Variants in SCEL observed in about 807,000 individuals in gnomAD.
SCEL encodes sciellin.
Under a neutral mutation model 117.6 loss-of-function variants are expected in SCEL, and 113 were observed. The observed-to-expected ratio is 0.96, with a 90% CI of 0.83 to 1.12. The LOEUF is 1.12. Among genes scored for constraint, SCEL ranks in the 50% most tolerant of loss-of-function variants. The pLI is 0.00. For synonymous variants in SCEL, 270 were observed against 256.2 expected (o/e 1.05, Z -0.51); for missense variants, 785 against 810.8 (o/e 0.97, Z 0.39).
intron 4 of SCEL, among the ~76,000 whole-genome samples, chr13:77,560,445 A>G (rs1346058021): frequency 6.6e-6 from 1 of 152,092 alleles, no homozygotes; most frequent in East Asian, 1.9e-4. Context: ...TCTCAAACAA[A>G]CAAACAACAA....
intron 1 of SCEL, among the ~76,000 whole-genome samples, chr13:77,554,880 A>G (rs1361518918): frequency 1.3e-5 from 2 of 152,136 alleles, no homozygotes; most frequent in Admixed American, 6.6e-5. Context: ...ACCTAGGGTG[A>G]CCAGCCATCC....
At chr13:77,639,758 T>G (rs1439223771) in intron 30 of SCEL, among the ~76,000 whole-genome samples, 1 of 152,178 alleles carries the variant, frequency 6.6e-6, no homozygotes, top group African/African-American at 2.4e-5. Context: ...GCACTTCATA[T>G]ATCATATAAA....
chr13:77,547,670 T>C (rs1371812221), intron 1 of SCEL, among the ~76,000 whole-genome samples: 2 of 152,204 alleles, frequency 1.3e-5, no homozygotes, highest in Non-Finnish European at 2.9e-5. Flanking sequence ...AGGTATCTCT[T>C]CATCATTTTA....
intron 11 of SCEL, among the ~76,000 whole-genome samples, chr13:77,591,984 T>C (rs1450407710): frequency 1.3e-5 from 2 of 152,210 alleles, no homozygotes; most frequent in Non-Finnish European, 2.9e-5. Context: ...ACATCCTATT[T>C]AGTCTAGCAT....
At chr13:77,567,540 T>C in intron 5 of SCEL, 140 bp from the exon 6 acceptor site, 1 of 619,290 alleles carries the variant, frequency 1.6e-6, no homozygotes, top group Non-Finnish European at 2.8e-6. Flanking sequence ...TTAAAAATTT[T>C]CTAAAATGTA....
At chr13:77,556,563 A>G in intron 2 of SCEL, 33 bp from the exon 3 acceptor site, 1 of 1,567,272 alleles carries the variant, frequency 6.4e-7, no homozygotes, top group Non-Finnish European at 8.8e-7. Context: ...CCACACTATT[A>G]CATCTTCCAG....
intron 3 of SCEL, among the ~76,000 whole-genome samples, 163 bp downstream of exon 3, chr13:77,556,876 T>A (rs2084690596): frequency 6.6e-6 from 1 of 152,180 alleles, no homozygotes; most frequent in Non-Finnish European, 1.5e-5. Context: ...AGGTTACATA[T>A]CAGAGTTTCA....
At chr13:77,624,263 G>A (rs566739953) in intron 27 of SCEL, among the ~76,000 whole-genome samples, 1 of 151,854 alleles carries the variant, frequency 6.6e-6, no homozygotes, top group African/African-American at 2.4e-5. Context: ...CTGCCACCAC[G>A]CTCAGCTAAT....
chr13:77,585,887 C>CAA (rs2086537706), intron 9 of SCEL, among the ~76,000 whole-genome samples: 2 of 152,150 alleles, frequency 1.3e-5, no homozygotes, highest in Admixed American at 6.5e-5. Flanking sequence ...TTCCAGAGGA[C>CAA]CCTGCTTCCA....
chr13:77,565,032 A>T (rs972300669), intron 5 of SCEL, among the ~76,000 whole-genome samples: 1 of 152,210 alleles, frequency 6.6e-6, no homozygotes, highest in Non-Finnish European at 1.5e-5. Flanking sequence ...TGGTTAATTG[A>T]AGAAGGAAAC....
intron 1 of SCEL, among the ~76,000 whole-genome samples, chr13:77,544,276 T>C (rs1483426975): frequency 6.6e-6 from 1 of 152,216 alleles, no homozygotes; most frequent in Non-Finnish European, 1.5e-5. Context: ...TTTTCTGCCT[T>C]ATTTCTCCTT....
At chr13:77,579,885 C>G (rs776172649) in intron 9 of SCEL, among the ~76,000 whole-genome samples, 2 of 152,030 alleles carry the variant, frequency 1.3e-5, no homozygotes, top group Non-Finnish European at 2.9e-5. Flanking sequence ...CCAGAGAGTA[C>G]GGTGTGTATG....
rs537968614 is a variant in SCEL at position 77,639,578 on chromosome 13, G to A, written c.1839-1098G>A. On this transcript the variant is annotated intron_variant, in intron 30 of 32. Transcript: ENST00000349847. ...TTTGGACTCATTGTGTTGGTACCACGCTGCCTCCATTCACATCTTCACTCT... is the reference window on the plus strand; with the variant it reads ...TTTGGACTCATTGTGTTGGTACCACACTGCCTCCATTCACATCTTCACTCT... 2.0e-4 allele frequency among the ~76,000 whole-genome samples: 30 copies of A among 152,164 alleles called. No homozygotes were observed. In the East Asian group the frequency reaches 2.9e-3, roughly 15 times the overall value.
rs542714221 is a variant in SCEL, at chr13:77,582,296, G to A, written c.546-6848G>A. On this transcript the variant is annotated intron_variant, in intron 9 of 32. Coordinates refer to ENST00000349847, the MANE Select transcript of SCEL (RefSeq NM_144777.3). ...GGCTGGAGTGCAGTGGTGTGATCTC[G>A]GCTCACTGCAACCTCTGCCTCCTGG... Among the ~76,000 whole-genome samples, 4 of 151,772 alleles carry A rather than the reference G, an allele frequency of 2.6e-5. No individual in the cohort carries two copies. In the South Asian group the frequency reaches 8.4e-4, roughly 32 times the overall value.
intron 1 of SCEL, among the ~76,000 whole-genome samples, chr13:77,548,543 C>T (rs1302094924): frequency 2.0e-5 from 3 of 152,218 alleles, no homozygotes; most frequent in Non-Finnish European, 4.4e-5. Context: ...TCTGTATAAA[C>T]ATCAGCGTGC....
chr13:77,586,232 C>T (rs1341108516), intron 9 of SCEL, among the ~76,000 whole-genome samples: 1 of 152,124 alleles, frequency 6.6e-6, no homozygotes, highest in Admixed American at 6.6e-5. Context: ...ACCTTTGTGA[C>T]CTTCTCCCCG....
intron 19 of SCEL, 55 bp downstream of exon 19, chr13:77,604,470 G>T: frequency 7.2e-7 from 1 of 1,394,558 alleles, no homozygotes; most frequent in Non-Finnish European, 9.7e-7. Flanking sequence ...AAGGACGTTA[G>T]AATTCTGAGT....
At chr13:77,642,671 C>T in intron 31 of SCEL, 35 bp from the exon 32 acceptor site, 7 of 1,252,512 alleles carry the variant, frequency 5.6e-6, no homozygotes, top group Non-Finnish European at 8.0e-6. Flanking sequence ...ATTTCATTTA[C>T]AATGGAAACT....
intron 9 of SCEL, among the ~76,000 whole-genome samples, chr13:77,588,183 T>C (rs2086668127): frequency 1.3e-5 from 2 of 152,300 alleles, no homozygotes; most frequent in South Asian, 2.1e-4. Context: ...TCCTTGCACA[T>C]AGAAAGCTAC....
Sources: gnomAD v4.1 joint callset for allele counts (sites outside exome capture counted in the v4.1 genomes callset) on GRCh38, gnomAD v4.1.1 for gene constraint, MANE v1.5 for transcripts, NCBI Gene and HGNC (gene_info 2026-07-23, HGNC 2026-07-21) for gene names.